Variants in SLC9C1 observed in about 807,000 individuals in gnomAD.
The protein encoded by SLC9C1 is sodium/hydrogen exchanger 10.
SLC9C1 carries 97 observed loss-of-function variants against 140.9 expected under a neutral mutation model. The ratio of observed to expected loss-of-function variants is 0.69; its 90% CI spans 0.58 to 0.82. The LOEUF (loss-of-function observed/expected upper bound fraction) is 0.82, where lower values mean the gene tolerates loss of function less well. Ranked by LOEUF, SLC9C1 falls within the 40% of genes least tolerant of loss-of-function variation. The pLI is 0.00. For synonymous variants in SLC9C1, 440 were observed against 442.6 expected (o/e 0.99, Z 0.07); for missense variants, 1,340 against 1,389.3 (o/e 0.96, Z 0.56).
In SLC9C1 at chr3:112,239,870, C is replaced by A; in HGVS notation, c.1416G>T (p.Glu472Asp). The change falls in exon 12 of 29, where the codon GAG becomes GAT. Residue 472 changes from glutamate to aspartate, a missense_variant. Transcript: ENST00000305815. ...ATGGGTTTTCAAGTGTAATTGCTTT[C>A]TCAATCATGTTCCAATCAGCATTAG... The part of the protein sequence containing the change: ...DLANADWNMI[E>D]KAITLENPYM... 6.2e-7 allele frequency: 1 copy of A among 1,612,508 alleles called. No individual in the cohort carries two copies. The highest frequency in any genetic ancestry group is 8.5e-7 in the Non-Finnish European group (1 of 1,179,578).
intron 10 of SLC9C1, among the ~76,000 whole-genome samples, chr3:112,257,647 T>C (rs1379534704): frequency 1.3e-5 from 2 of 152,062 alleles, no homozygotes; most frequent in Non-Finnish European, 2.9e-5. Context: ...GTGGCAAAGA[T>C]TTCATGACAA....
At chr3:112,241,893 T>G (rs1039437041) in intron 11 of SLC9C1, among the ~76,000 whole-genome samples, 3 of 152,150 alleles carry the variant, frequency 2.0e-5, no homozygotes, top group African/African-American at 7.2e-5. Flanking sequence ...ACTGGCTAGC[T>G]GTATGCAGAA....
chr3:112,292,100 TG>T (rs2080701335), intron 1 of SLC9C1, among the ~76,000 whole-genome samples: 1 of 152,106 alleles, frequency 6.6e-6, no homozygotes, highest in Admixed American at 6.5e-5. Context: ...GGGAATACAC[TG>T]GGGCCTACTT....
chr3:112,184,551 G>A (rs1286361996), intron 20 of SLC9C1, among the ~76,000 whole-genome samples: 17 of 151,894 alleles, frequency 1.1e-4, no homozygotes, highest in Non-Finnish European at 1.3e-4. Context: ...CAGGAGATTC[G>A]CTTGAACCCG....
At chr3:112,168,322 TACACACACACACACACACACACAC>T (rs56965031) in intron 25 of SLC9C1, among the ~76,000 whole-genome samples, 1 of 133,734 alleles carries the variant, frequency 7.5e-6, no homozygotes, top group African/African-American at 2.8e-5. Context: ...CACAAAACAA[TACACACACACACACACACACACAC>T]ACACACACAC....
At chr3:112,161,041 T>A (rs2075282622) in intron 26 of SLC9C1, among the ~76,000 whole-genome samples, 1 of 152,242 alleles carries the variant, frequency 6.6e-6, no homozygotes, top group Non-Finnish European at 1.5e-5. Flanking sequence ...CATTTTTTCA[T>A]GTGTTTTTTG....
At chr3:112,286,612 T>C in intron 2 of SLC9C1, 92 bp downstream of exon 2, 1 of 1,054,918 alleles carries the variant, frequency 9.5e-7, no homozygotes, top group Non-Finnish European at 1.3e-6. Context: ...CAAAATTATA[T>C]CCTATTACTT....
intron 26 of SLC9C1, among the ~76,000 whole-genome samples, chr3:112,161,257 G>A (rs972438952): frequency 9.3e-4 from 141 of 151,986 alleles, no homozygotes; most frequent in African/African-American, 1.9e-3. Context: ...TTTGCTGTGC[G>A]GAAGCTCTTT....
intron 10 of SLC9C1, among the ~76,000 whole-genome samples, chr3:112,252,300 C>G (rs1211680938): frequency 6.6e-6 from 1 of 152,122 alleles, no homozygotes; most frequent in African/African-American, 2.4e-5. Flanking sequence ...TCCTAGTTCT[C>G]TTCCCCAGGC....
chr3:112,230,786 G>A (rs1044768991), intron 13 of SLC9C1, among the ~76,000 whole-genome samples: 1 of 152,110 alleles, frequency 6.6e-6, no homozygotes, highest in Non-Finnish European at 1.5e-5. Flanking sequence ...TTTCAACCTG[G>A]AGAGAAAATG....
At chr3:112,285,152 A>C (rs1352924938) in intron 2 of SLC9C1, among the ~76,000 whole-genome samples, 2 of 151,796 alleles carry the variant, frequency 1.3e-5, no homozygotes, top group East Asian at 1.9e-4. Context: ...ATGCCTGGCT[A>C]ATTTTTTGTA....
chr3:112,211,977 T>C (rs1560072625), intron 15 of SLC9C1, among the ~76,000 whole-genome samples: 1 of 152,152 alleles, frequency 6.6e-6, no homozygotes, highest in Non-Finnish European at 1.5e-5. Flanking sequence ...GACTGACACC[T>C]CACAAGGCCG....
chr3:112,283,017 A>G (rs1444250520), intron 2 of SLC9C1, among the ~76,000 whole-genome samples: 5 of 152,240 alleles, frequency 3.3e-5, no homozygotes, highest in Non-Finnish European at 7.3e-5. Context: ...TTCAGAAACA[A>G]ACTAAAACAA....
At chr3:112,224,160 C>T (rs1026459833) in intron 13 of SLC9C1, among the ~76,000 whole-genome samples, 1 of 152,196 alleles carries the variant, frequency 6.6e-6, no homozygotes, top group South Asian at 2.1e-4. Context: ...AGACCAGCCA[C>T]ACAAACTTCT....
chr3:112,210,902 G>A (rs933680367), intron 15 of SLC9C1, among the ~76,000 whole-genome samples: 18 of 152,164 alleles, frequency 1.2e-4, no homozygotes, highest in African/African-American at 4.1e-4. Context: ...TTAAAAGGAT[G>A]CAGCTAAGGT....
chr3:112,221,178 A>G lies in SLC9C1; in HGVS notation c.1620T>C (p.Ala540=), dbSNP rs1419938335. 1 of 1,613,716 alleles carries G rather than the reference A, an allele frequency of 6.2e-7. No individual in the cohort carries two copies. Among genetic ancestry groups the G allele is most frequent in the Admixed American group, 1.7e-5 (1 of 59,952 alleles). ...QYRNEILSQS[A]VQVLVGAAES... ...CTGCTGCACCAACCAACACCTGGAC[A>G]GCACTCTGGGACAGAATCTCATTCC... The change falls in exon 14 of 29, where the codon GCT becomes GCC. Residue 540 remains alanine (A), a synonymous_variant. Coordinates refer to ENST00000305815, the MANE Select transcript of SLC9C1 (RefSeq NM_183061.3).
chr3:112,211,054 T>A (rs897960484), intron 15 of SLC9C1, among the ~76,000 whole-genome samples: 57 of 152,334 alleles, frequency 3.7e-4, no homozygotes, highest in Middle Eastern at 3.4e-3. Context: ...GTATAAAAAA[T>A]GAATTTGTTA....
chr3:112,255,660 A>G (rs946766035), intron 10 of SLC9C1, among the ~76,000 whole-genome samples: 2 of 152,182 alleles, frequency 1.3e-5, no homozygotes, highest in Non-Finnish European at 2.9e-5. Flanking sequence ...TAAAATCACA[A>G]CTAAAAGAAC....
At chr3:112,255,362 G>GA (rs1212306542) in intron 10 of SLC9C1, among the ~76,000 whole-genome samples, 2 of 151,754 alleles carry the variant, frequency 1.3e-5, no homozygotes, top group African/African-American at 2.4e-5. Flanking sequence ...AAATGCAATA[G>GA]AAAAAAATCA....
Sources: gnomAD v4.1 joint callset for allele counts (sites outside exome capture counted in the v4.1 genomes callset) on GRCh38, gnomAD v4.1.1 for gene constraint, MANE v1.5 for transcripts, NCBI Gene and HGNC (gene_info 2026-07-23, HGNC 2026-07-21) for gene names.